Variants in PPP2R2B observed in about 807,000 individuals in gnomAD.
The protein encoded by PPP2R2B is serine/threonine-protein phosphatase 2A 55 kDa regulatory subunit B beta isoform.
Under a neutral mutation model 46.0 loss-of-function variants are expected in PPP2R2B, and 5 were observed. The observed-to-expected ratio is 0.11, with a 90% CI of 0.06 to 0.23. The LOEUF is 0.23. Ranked by LOEUF, PPP2R2B falls within the 10% of genes least tolerant of loss-of-function variation. The probability of loss-of-function intolerance (pLI) is 1.00; values close to 1 mark genes in which losing one functional copy is unlikely to be tolerated. For missense variants in PPP2R2B, 367 were observed against 575.0 expected (o/e 0.64, Z 3.70); for synonymous variants, 215 against 206.7 (o/e 1.04, Z -0.34).
chr5:146,769,761 G>A (rs535547228), intron 2 of PPP2R2B, among the ~76,000 whole-genome samples: 4 of 152,180 alleles, frequency 2.6e-5, no homozygotes, highest in East Asian at 3.9e-4. Context: ...ATACAAACAC[G>A]AGCAAGTCCT....
chr5:146,914,134 C>T (rs1240775042), intron 1 of PPP2R2B: 1 of 152,178 alleles, frequency 6.6e-6, no homozygotes, highest in African/African-American at 2.4e-5. Flanking sequence ...AAATTAATTA[C>T]AATTCATGAC....
chr5:146,651,239 C>A (rs927394283), intron 5 of PPP2R2B, among the ~76,000 whole-genome samples: 6 of 152,084 alleles, frequency 3.9e-5, no homozygotes, highest in African/African-American at 1.4e-4. Context: ...TAGCATCACC[C>A]AAGACTCTAA....
At chr5:147,064,474 T>C (rs1298944932) in intron 2 of PPP2R2B, among the ~76,000 whole-genome samples, 1 of 152,204 alleles carries the variant, frequency 6.6e-6, no homozygotes, top group Non-Finnish European at 1.5e-5. Context: ...CCACACCCTA[T>C]ATTGAGAATC....
intron 1 of PPP2R2B, among the ~76,000 whole-genome samples, chr5:146,891,177 A>G (rs1434137988): frequency 6.6e-6 from 1 of 152,232 alleles, no homozygotes; most frequent in Non-Finnish European, 1.5e-5. Context: ...GCAAATGGTT[A>G]AAGGCATGAT....
intron 6 of PPP2R2B, among the ~76,000 whole-genome samples, chr5:146,645,033 T>G (rs1303170833): frequency 6.6e-6 from 1 of 152,070 alleles, no homozygotes; most frequent in Admixed American, 6.5e-5. Context: ...AGCTGAAGAG[T>G]GGAATCTATG....
chr5:146,778,852 A>G (rs1755339329), intron 2 of PPP2R2B, among the ~76,000 whole-genome samples: 1 of 152,212 alleles, frequency 6.6e-6, no homozygotes, highest in African/African-American at 2.4e-5. Flanking sequence ...TCTTGCCTAA[A>G]ATGAAGATGC....
intron 1 of PPP2R2B, among the ~76,000 whole-genome samples, chr5:147,024,123 C>A (rs562748800): frequency 6.6e-6 from 1 of 151,946 alleles, no homozygotes; most frequent in Non-Finnish European, 1.5e-5. Context: ...TCCATAATTG[C>A]GTGAGCCAAT....
At chr5:146,922,800 A>G (rs1374319707) in intron 1 of PPP2R2B, among the ~76,000 whole-genome samples, 1 of 151,790 alleles carries the variant, frequency 6.6e-6, no homozygotes, top group Non-Finnish European at 1.5e-5. Context: ...AAATCAGAAG[A>G]CTCAGTTCAG....
chr5:146,624,100 A>T (rs1295157820), intron 7 of PPP2R2B, among the ~76,000 whole-genome samples: 2 of 152,196 alleles, frequency 1.3e-5, no homozygotes, highest in Non-Finnish European at 2.9e-5. Context: ...TTCAGACTTA[A>T]TGTTTTCTAA....
At chr5:146,742,590 T>C (rs1752944053) in intron 2 of PPP2R2B, among the ~76,000 whole-genome samples, 1 of 152,178 alleles carries the variant, frequency 6.6e-6, no homozygotes, top group African/African-American at 2.4e-5. Flanking sequence ...AATAGATTTA[T>C]AGTATAAAGG....
intron 1 of PPP2R2B, among the ~76,000 whole-genome samples, chr5:147,043,088 A>T (rs1315379198): frequency 6.6e-6 from 1 of 152,102 alleles, no homozygotes; most frequent in Non-Finnish European, 1.5e-5. Context: ...TGCAGTGATA[A>T]TATATTATAC....
At chr5:146,628,618 G>C (rs1272717111) in intron 7 of PPP2R2B, among the ~76,000 whole-genome samples, 1 of 152,214 alleles carries the variant, frequency 6.6e-6, no homozygotes, top group Non-Finnish European at 1.5e-5. Context: ...GGCAGGTGAG[G>C]AAGAAGGAAG....
chr5:146,859,519 G>T (rs1220531977), intron 2 of PPP2R2B, among the ~76,000 whole-genome samples: 2 of 152,074 alleles, frequency 1.3e-5, no homozygotes, highest in Non-Finnish European at 2.9e-5. Context: ...TTATTACCTG[G>T]GTAACCAAAT....
chr5:147,037,165 A>AC (rs947471099), intron 1 of PPP2R2B, among the ~76,000 whole-genome samples: 6 of 151,236 alleles, frequency 4.0e-5, no homozygotes, highest in Non-Finnish European at 8.9e-5. Flanking sequence ...CAGGGAAAAA[A>AC]AATTATTTTT....
rs909026378 is a variant in PPP2R2B, at chr5:146,991,423, G to A, written c.79+64242C>T. On this transcript the variant is annotated intron_variant, in intron 1 of 8. Coordinates refer to the PPP2R2B transcript ENST00000336640. ...ATAGTGATTACCAGAGGCTAGGGAT[G>A]GGAGGCGGGAGAGGAGAACCAGGAA... Among the ~76,000 whole-genome samples, 11 of 152,098 alleles carry A rather than the reference G, an allele frequency of 7.2e-5. 1 individual carries two copies. Among genetic ancestry groups the A allele is most frequent in the African/African-American group, 2.4e-4 (10 of 41,414 alleles).
At chr5:146,827,107 T>A (rs1017375726) in intron 2 of PPP2R2B, among the ~76,000 whole-genome samples, 2 of 152,160 alleles carry the variant, frequency 1.3e-5, no homozygotes, top group East Asian at 1.9e-4. Context: ...TTTTCTGTCA[T>A]AATCAATACC....
In PPP2R2B at chr5:146,663,176, G is replaced by A. The variant is rs867199237; in HGVS notation, c.448-12452C>T. On this transcript the variant is annotated intron_variant, in intron 5 of 9. Transcript: ENST00000394411. ...TATCTGAGACACAAAGCAGTAATGT[G>A]TCCTAGCTAAAAGTACACAACTAGT... 3.6e-4 allele frequency among the ~76,000 whole-genome samples: 55 copies of A among 152,150 alleles called. 1 individual carries two copies. Among genetic ancestry groups the A allele is most frequent in the Non-Finnish European group, 2.1e-4 (14 of 68,018 alleles).
intron 2 of PPP2R2B, among the ~76,000 whole-genome samples, chr5:146,820,573 T>C (rs1234377336): frequency 6.6e-6 from 1 of 152,156 alleles, no homozygotes; most frequent in Admixed American, 6.5e-5. Flanking sequence ...TACTGCAATA[T>C]TATATATAAA....
intron 1 of PPP2R2B, among the ~76,000 whole-genome samples, chr5:146,948,832 A>G (rs1449939116): frequency 6.6e-6 from 1 of 152,132 alleles, no homozygotes; most frequent in Non-Finnish European, 1.5e-5. Flanking sequence ...AGTAACTATA[A>G]TTGAGTGAAT....
Sources: allele counts gnomAD v4.1 joint callset (sites outside exome capture counted in the v4.1 genomes callset), GRCh38; gene constraint gnomAD v4.1.1; transcripts MANE v1.5; gene names NCBI Gene and HGNC (gene_info 2026-07-23, HGNC 2026-07-21).